SLC35F1: variants seen among roughly 807,000 people sequenced by gnomAD.
SLC35F1 encodes solute carrier family 35 member F1.
A neutral mutation model predicts 48.7 loss-of-function variants in SLC35F1; 14 were observed. That is an observed-to-expected ratio of 0.29 (90% CI 0.19 to 0.45). The LOEUF (loss-of-function observed/expected upper bound fraction) is 0.45, where lower values mean the gene tolerates loss of function less well. Among genes scored for constraint, SLC35F1 ranks in the 20% least tolerant of loss-of-function variants. SLC35F1 has a pLI of 1.00. For synonymous variants in SLC35F1, 190 were observed against 202.2 expected (o/e 0.94, Z 0.51); for missense variants, 404 against 500.0 (o/e 0.81, Z 1.83).
At chr6:118,157,700 A>G (rs205963) in intron 2 of SLC35F1, among the ~76,000 whole-genome samples, 115,842 of 152,028 alleles carry the variant, frequency 0.76, 44,485 homozygotes, top group African/African-American at 0.86. Context: ...GGAGAAAGAT[A>G]GAGGCCAGAA....
At chr6:118,120,363 C>T (rs1046045349) in intron 1 of SLC35F1, among the ~76,000 whole-genome samples, 8 of 152,128 alleles carry the variant, frequency 5.3e-5, no homozygotes, top group Admixed American at 2.6e-4. Flanking sequence ...ACATTTAATT[C>T]ATTCTAAGAG....
chr6:117,923,710 C>CATATGT (rs1562238868), intron 1 of SLC35F1, among the ~76,000 whole-genome samples: 2 of 22,562 alleles, frequency 8.9e-5, no homozygotes, highest in African/African-American at 4.5e-4. Context: ...CATATATGTA[C>CATATGT]ATATATACAT....
chr6:118,176,180 T>G (rs1158754951), intron 2 of SLC35F1, among the ~76,000 whole-genome samples: 1 of 152,086 alleles, frequency 6.6e-6, no homozygotes, highest in Admixed American at 6.6e-5. Context: ...TTTTATTAGA[T>G]AGTCACTGAA....
chr6:117,999,169 G>A, intron 1 of SLC35F1: 1 of 1,594,650 alleles, frequency 6.3e-7, no homozygotes, highest in Non-Finnish European at 8.5e-7. Flanking sequence ...CCAAGGCCAT[G>A]AGTGCACGTG....
At chr6:117,967,695 A>T (rs549769794) in intron 1 of SLC35F1, among the ~76,000 whole-genome samples, 1 of 152,346 alleles carries the variant, frequency 6.6e-6, no homozygotes, top group African/African-American at 2.4e-5. Flanking sequence ...AAAAGATCAA[A>T]CAATCTTATG....
intron 3 of SLC35F1, among the ~76,000 whole-genome samples, chr6:118,244,306 A>T (rs1365899919): frequency 1.3e-5 from 2 of 152,292 alleles, no homozygotes; most frequent in Non-Finnish European, 2.9e-5. Flanking sequence ...ATTCAAGGGC[A>T]AGCCAGAGGT....
In SLC35F1 at chr6:118,138,848, G is replaced by A. The variant is rs148093262; in HGVS notation, c.174-15597G>A. 4.2e-3 allele frequency among the ~76,000 whole-genome samples: 645 copies of A among 152,064 alleles called. 7 individuals are homozygous for A. The highest frequency in any genetic ancestry group is 0.015 in the African/African-American group (605 of 41,452). ...GTGTGCTCATTATTATGCATGTCAC[G>A]TACAACTCATTTGAATTTAGTCTCT... On this transcript the variant is annotated intron_variant, in intron 1 of 7. Coordinates refer to ENST00000360388, the MANE Select transcript of SLC35F1 (RefSeq NM_001029858.4).
At chr6:118,173,280 T>G (rs1435482255) in intron 2 of SLC35F1, among the ~76,000 whole-genome samples, 3 of 151,256 alleles carry the variant, frequency 2.0e-5, no homozygotes, top group Non-Finnish European at 4.4e-5. Context: ...GAAACCTAAA[T>G]GTACAAAACT....
chr6:118,213,302 G>T, intron 2 of SLC35F1, among the ~76,000 whole-genome samples: 1 of 152,174 alleles, frequency 6.6e-6, no homozygotes, highest in East Asian at 1.9e-4. Context: ...ACATTAAACT[G>T]ATGAGAGATT....
chr6:118,226,698 GC>G (rs1211775783), intron 2 of SLC35F1, among the ~76,000 whole-genome samples: 2 of 152,118 alleles, frequency 1.3e-5, no homozygotes, highest in African/African-American at 4.8e-5. Flanking sequence ...GTTACCAGAC[GC>G]TGGGAAGAGT....
intron 1 of SLC35F1, among the ~76,000 whole-genome samples, chr6:117,923,868 A>C (rs1372429749): frequency 7.0e-6 from 1 of 141,960 alleles, no homozygotes; most frequent in African/African-American, 2.7e-5. Context: ...ATGTGTGTAC[A>C]TATATACATA....
At chr6:117,948,652 A>T (rs1776323719) in intron 1 of SLC35F1, among the ~76,000 whole-genome samples, 1 of 152,198 alleles carries the variant, frequency 6.6e-6, no homozygotes, top group Non-Finnish European at 1.5e-5. Context: ...GACAAATGAT[A>T]CAAATAATAC....
At chr6:118,004,186 T>C (rs2355796) in intron 1 of SLC35F1, among the ~76,000 whole-genome samples, 1,567 of 152,302 alleles carry the variant, frequency 0.01, 23 homozygotes, top group African/African-American at 0.036. Context: ...TATTTCTTCT[T>C]GGAAGTTGAT....
intron 1 of SLC35F1, among the ~76,000 whole-genome samples, chr6:118,123,779 G>A (rs536373910): frequency 7.9e-5 from 12 of 152,308 alleles, no homozygotes; most frequent in African/African-American, 2.9e-4. Flanking sequence ...TCCCCTTGGT[G>A]AGAGTTTCTG....
chr6:118,283,606 C>T (rs1028121460), intron 6 of SLC35F1, among the ~76,000 whole-genome samples: 1 of 152,144 alleles, frequency 6.6e-6, no homozygotes, highest in African/African-American at 2.4e-5. Flanking sequence ...AAACAAGGCT[C>T]TGGTGCCTAG....
At chr6:118,268,440 A>G (rs1775804591) in intron 4 of SLC35F1, among the ~76,000 whole-genome samples, 1 of 151,932 alleles carries the variant, frequency 6.6e-6, no homozygotes, top group African/African-American at 2.4e-5. Flanking sequence ...CACTGGTTCC[A>G]TGACATATTG....
intron 1 of SLC35F1, among the ~76,000 whole-genome samples, chr6:117,957,210 C>T (rs979303820): frequency 3.3e-5 from 5 of 152,150 alleles, no homozygotes; most frequent in African/African-American, 9.7e-5. Context: ...CAATCACCCA[C>T]GTGAATATTT....
At chr6:118,295,104 G>A (rs1490911503) in intron 7 of SLC35F1, among the ~76,000 whole-genome samples, 2 of 148,658 alleles carry the variant, frequency 1.3e-5, no homozygotes, top group Non-Finnish European at 3.0e-5. Context: ...GACCCTCCCC[G>A]TCAGCTCCTA....
chr6:118,282,737 C>T (rs1775998743), intron 6 of SLC35F1, among the ~76,000 whole-genome samples: 2 of 152,168 alleles, frequency 1.3e-5, no homozygotes, highest in African/African-American at 4.8e-5. Flanking sequence ...TAGCCAGAAC[C>T]CCTGGGCATC....
Sources: allele counts gnomAD v4.1 joint callset (sites outside exome capture counted in the v4.1 genomes callset), GRCh38; gene constraint gnomAD v4.1.1; transcripts MANE v1.5; gene names NCBI Gene and HGNC (gene_info 2026-07-23, HGNC 2026-07-21).